MICU1: variants seen among roughly 807,000 people sequenced by gnomAD.
MICU1 encodes mitochondrial calcium uptake 1, also known as calcium uptake protein 1, mitochondrial.
A neutral mutation model predicts 56.8 loss-of-function variants in MICU1; 45 were observed. That is an observed-to-expected ratio of 0.79 (90% CI 0.62 to 1.02). The LOEUF (loss-of-function observed/expected upper bound fraction) is 1.02. Ranked by LOEUF, MICU1 falls within the 50% of genes least tolerant of loss-of-function variation. The probability of loss-of-function intolerance (pLI) is 0.00; values close to 1 mark genes in which losing one functional copy is unlikely to be tolerated. For synonymous variants in MICU1, 186 were observed against 195.1 expected, an observed-to-expected ratio of 0.95 and a Z score of 0.39; for missense variants, 504 against 587.1, an observed-to-expected ratio of 0.86 and a Z score of 1.46.
At chr10:72,435,671 G>A (rs548266913) in intron 8 of MICU1, among the ~76,000 whole-genome samples, 3 of 152,310 alleles carry the variant, frequency 2.0e-5, no homozygotes, top group Non-Finnish European at 2.9e-5. Context: ...CTGGAAAAAC[G>A]GGACACTCCT....
intron 8 of MICU1, among the ~76,000 whole-genome samples, chr10:72,470,413 C>T (rs988513321): frequency 1.3e-5 from 2 of 152,136 alleles, no homozygotes; most frequent in Non-Finnish European, 2.9e-5. Flanking sequence ...TGATAAAGAA[C>T]AGAAGTTTAT....
chr10:72,429,950 G>A (rs900999985), intron 8 of MICU1, among the ~76,000 whole-genome samples: 1 of 152,110 alleles, frequency 6.6e-6, no homozygotes, highest in African/African-American at 2.4e-5. Context: ...TTTCTCTCTG[G>A]TCTCAGTATC....
intron 5 of MICU1, among the ~76,000 whole-genome samples, chr10:72,512,097 G>GTTTTTTTTTTTTTTTTTTTTTTTTTTTTT (rs1867471926): frequency 7.9e-5 from 8 of 100,702 alleles, no homozygotes; most frequent in African/African-American, 3.3e-4. Flanking sequence ...TCCATACACA[G>GTTTTTTTTTTTTTTTTTTTTTTTTTTTTT]TTGTTTTTTG....
rs79072632 is a variant in MICU1 at position 72,497,618 on chromosome 10, G to T, written c.652+10537C>A. On this transcript the variant is annotated intron_variant, in intron 6 of 11. Coordinates refer to ENST00000361114, the MANE Select transcript of MICU1 (RefSeq NM_001195518.2). ...TTCTTCAGAGCCATCCCAACCATCA[G>T]TAGAAGAAAAACAGGACAGAGCAGA... 8.5e-3 allele frequency among the ~76,000 whole-genome samples: 1,300 copies of T among 152,222 alleles called. 16 individuals are homozygous for T. Among genetic ancestry groups the T allele is most frequent in the African/African-American group, 0.03 (1,228 of 41,528 alleles).
At chr10:72,533,100 T>C (rs1391512367) in intron 5 of MICU1, 1 of 1,290,004 alleles carries the variant, frequency 7.8e-7, no homozygotes, top group South Asian at 1.2e-5. Flanking sequence ...TCCTCCTCTG[T>C]AAAATTGACC....
chr10:72,486,673 T>C (rs986811825), intron 6 of MICU1, among the ~76,000 whole-genome samples: 1 of 152,218 alleles, frequency 6.6e-6, no homozygotes, highest in African/African-American at 2.4e-5. Context: ...GGTTTTGCCA[T>C]ATTGGCCAGG....
chr10:72,542,092 A>G (rs77814244), intron 4 of MICU1, among the ~76,000 whole-genome samples: 4,017 of 152,298 alleles, frequency 0.026, 77 homozygotes, highest in Admixed American at 0.039. Flanking sequence ...ATGAATATAC[A>G]TGATGTTATA....
chr10:72,459,687 T>C (rs1365630415), intron 8 of MICU1, among the ~76,000 whole-genome samples: 1 of 152,208 alleles, frequency 6.6e-6, no homozygotes, highest in Admixed American at 6.5e-5. Context: ...CAATTCCCAA[T>C]GTATCAACCA....
chr10:72,424,238 G>C (rs913460262), intron 8 of MICU1, among the ~76,000 whole-genome samples: 1 of 151,718 alleles, frequency 6.6e-6, no homozygotes. Flanking sequence ...TCAGCCTCCC[G>C]AGTAAATGGG....
chr10:72,485,874 A>C (rs1175518584), intron 6 of MICU1, among the ~76,000 whole-genome samples: 1 of 151,466 alleles, frequency 6.6e-6, no homozygotes, highest in Non-Finnish European at 1.5e-5. Flanking sequence ...CGAGGTAAAA[A>C]GGTCAGTCAC....
At chr10:72,527,361 G>GTTTTT (rs140772337) in intron 5 of MICU1, among the ~76,000 whole-genome samples, 1 of 150,230 alleles carries the variant, frequency 6.7e-6, no homozygotes, top group Non-Finnish European at 1.5e-5. Context: ...TTTTTCTTTT[G>GTTTTT]TTTTTGTTTT....
chr10:72,569,106 C>T (rs1446806122), intron 1 of MICU1, among the ~76,000 whole-genome samples: 1 of 149,168 alleles, frequency 6.7e-6, no homozygotes, highest in East Asian at 2.0e-4. Flanking sequence ...ATATACATCC[C>T]TATGTGAGAC....
chr10:72,577,688 G>A (rs879826178), intron 1 of MICU1, among the ~76,000 whole-genome samples: 4 of 151,984 alleles, frequency 2.6e-5, no homozygotes, highest in South Asian at 2.1e-4. Flanking sequence ...TCCTGCTAGC[G>A]TCAAAAAAAT....
intron 10 of MICU1, among the ~76,000 whole-genome samples, chr10:72,394,793 A>AC (rs1207895712): frequency 1.3e-5 from 2 of 152,182 alleles, no homozygotes; most frequent in Non-Finnish European, 2.9e-5. Flanking sequence ...CAACAGTGAG[A>AC]CCCCATCTCT....
intron 5 of MICU1, among the ~76,000 whole-genome samples, chr10:72,529,147 AT>A (rs1839406969): frequency 6.6e-6 from 1 of 152,180 alleles, no homozygotes; most frequent in Admixed American, 6.5e-5. Flanking sequence ...ATGTAAACAA[AT>A]ATTCTTGTAG....
At chr10:72,569,235 A>ATTTTTTTTTTTTTTTT (rs1245936809) in intron 1 of MICU1, among the ~76,000 whole-genome samples, 8 of 42,570 alleles carry the variant, frequency 1.9e-4, no homozygotes, top group African/African-American at 3.8e-4. Context: ...ATATATATAT[A>ATTTTTTTTTTTTTTTT]TATTTTTTTT....
intron 3 of MICU1, among the ~76,000 whole-genome samples, chr10:72,558,747 T>C (rs867927761): frequency 2.6e-5 from 4 of 151,912 alleles, no homozygotes; most frequent in South Asian, 2.1e-4. Context: ...AAGCACTAAA[T>C]AGGAAAAAGT....
chr10:72,521,365 G>T (rs901379581), intron 5 of MICU1, among the ~76,000 whole-genome samples: 9 of 151,886 alleles, frequency 5.9e-5, no homozygotes, highest in Admixed American at 5.9e-4. Flanking sequence ...AAGCACCAAT[G>T]ACCATTAAAG....
intron 8 of MICU1, among the ~76,000 whole-genome samples, chr10:72,470,297 CTG>C (rs1589252762): frequency 1.3e-5 from 2 of 152,194 alleles, no homozygotes; most frequent in Non-Finnish European, 2.9e-5. Context: ...ACAGTACTGA[CTG>C]ATGAAATTTT....
Sources: allele counts gnomAD v4.1 joint callset (sites outside exome capture counted in the v4.1 genomes callset), GRCh38; gene constraint gnomAD v4.1.1; transcripts MANE v1.5; gene names NCBI Gene and HGNC (gene_info 2026-07-23, HGNC 2026-07-21).